FAM78B: variants seen among roughly 807,000 people sequenced by gnomAD.
FAM78B encodes the protein protein FAM78B.
FAM78B carries 10 observed loss-of-function variants against 20.0 expected under a neutral mutation model. The ratio of observed to expected loss-of-function variants is 0.50; its 90% CI spans 0.31 to 0.85. The LOEUF is 0.85. Among genes scored for constraint, FAM78B ranks in the 40% least tolerant of loss-of-function variants. FAM78B has a pLI of 0.05. For synonymous variants in FAM78B, 135 were observed against 132.8 expected, an observed-to-expected ratio of 1.02 and a Z score of -0.12; for missense variants, 283 against 345.0, an observed-to-expected ratio of 0.82 and a Z score of 1.42.
chr1:166,098,291 C>A lies in FAM78B; in HGVS notation c.264-27528G>T, dbSNP rs373053402. The stretch of plus-strand genomic sequence containing the variant: ...ACCCAAATGAGAAGGAATCAGAAAA[C>A]CAACTCTGGTAATATGATAAAAAAA... On this transcript the variant is annotated intron_variant, in intron 1 of 1. Transcript: ENST00000354422. Among the ~76,000 whole-genome samples, 12 of 152,252 alleles carry A rather than the reference C, an allele frequency of 7.9e-5. No individual in the cohort carries two copies. In the South Asian group the frequency reaches 2.3e-3, roughly 29 times the overall value.
At chr1:166,084,237 A>ACACACACTCTCTCTCTCTCTCT (rs771421402) in intron 1 of FAM78B, among the ~76,000 whole-genome samples, 4 of 125,416 alleles carry the variant, frequency 3.2e-5, no homozygotes, top group Admixed American at 8.3e-5. Context: ...ACACACACAC[A>ACACACACTCTCTCTCTCTCTCT]CTCTCTCTCT....
chr1:166,094,437 C>G (rs1390819958), intron 1 of FAM78B, among the ~76,000 whole-genome samples: 1 of 152,204 alleles, frequency 6.6e-6, no homozygotes, highest in Non-Finnish European at 1.5e-5. Flanking sequence ...ATGCTGACAC[C>G]TGCTCTTTGA....
chr1:166,069,037 A>AAAGTT (rs1298018257), downstream of FAM78B, among the ~76,000 whole-genome samples: 1 of 152,218 alleles, frequency 6.6e-6, no homozygotes, highest in African/African-American at 2.4e-5. Context: ...GAAGAGCTCT[A>AAAGTT]AAGTTAAGTT....
chr1:166,110,942 A>T (rs1424992687), intron 1 of FAM78B, among the ~76,000 whole-genome samples: 2 of 152,218 alleles, frequency 1.3e-5, no homozygotes, highest in Non-Finnish European at 2.9e-5. Context: ...GTATATAGAA[A>T]TGACAGAAAC....
intron 1 of FAM78B, among the ~76,000 whole-genome samples, chr1:166,072,825 G>A (rs147183334): frequency 1.2e-4 from 19 of 152,254 alleles, no homozygotes; most frequent in Admixed American, 4.6e-4. Context: ...GTATTGCCTG[G>A]GGAATTTGGT....
intron 1 of FAM78B, among the ~76,000 whole-genome samples, chr1:166,151,710 C>T (rs1454725084): frequency 6.6e-6 from 1 of 152,200 alleles, no homozygotes; most frequent in East Asian, 1.9e-4. Flanking sequence ...GCTTCAAGTG[C>T]CAGACCCACT....
chr1:166,136,047 A>G (rs1262142761), intron 1 of FAM78B, among the ~76,000 whole-genome samples: 1 of 152,148 alleles, frequency 6.6e-6, no homozygotes, highest in Non-Finnish European at 1.5e-5. Flanking sequence ...CTCAATGCTA[A>G]CTTTTTTCAA....
At chr1:166,094,088 A>AG (rs1653182729) in intron 1 of FAM78B, among the ~76,000 whole-genome samples, 1 of 149,490 alleles carries the variant, frequency 6.7e-6, no homozygotes, top group African/African-American at 2.5e-5. Context: ...GTGGTGCAGC[A>AG]GGGGAAGGAA....
chr1:166,075,383 T>TAAAC (rs965873018), intron 1 of FAM78B, among the ~76,000 whole-genome samples: 6 of 152,108 alleles, frequency 3.9e-5, no homozygotes, highest in African/African-American at 1.4e-4. Flanking sequence ...AAAGAATAAA[T>TAAAC]AAACAAAAAG....
intron 1 of FAM78B, among the ~76,000 whole-genome samples, chr1:166,099,229 A>G (rs915701079): frequency 6.6e-6 from 1 of 152,252 alleles, no homozygotes; most frequent in South Asian, 2.1e-4. Context: ...CCACCACTGT[A>G]AGAACTGCTA....
chr1:166,148,535 T>A (rs1479447103), intron 1 of FAM78B, among the ~76,000 whole-genome samples: 1 of 152,250 alleles, frequency 6.6e-6, no homozygotes, highest in Non-Finnish European at 1.5e-5. Context: ...AGATATCATT[T>A]GTGTAAACGC....
At chr1:166,060,888 A>G (rs2008) in intron 2 of FAM78B, among the ~76,000 whole-genome samples, 27,066 of 152,194 alleles carry the variant, frequency 0.18, 2,566 homozygotes, top group Admixed American at 0.26. Context: ...ATTAAAAACT[A>G]AAATAATATT....
intron 1 of FAM78B, among the ~76,000 whole-genome samples, chr1:166,154,990 C>T (rs1476174411): frequency 6.6e-6 from 1 of 152,176 alleles, no homozygotes; most frequent in African/African-American, 2.4e-5. Flanking sequence ...GTAACAGTCA[C>T]CTGTGAGGTA....
At chr1:166,134,077 G>C (rs1654981390) in intron 1 of FAM78B, among the ~76,000 whole-genome samples, 1 of 152,096 alleles carries the variant, frequency 6.6e-6, no homozygotes, top group African/African-American at 2.4e-5. Context: ...AGAAAGTTTG[G>C]GGGGTTTCCC....
chr1:166,140,010 A>T (rs1010270062), intron 1 of FAM78B, among the ~76,000 whole-genome samples: 1 of 152,208 alleles, frequency 6.6e-6, no homozygotes, highest in African/African-American at 2.4e-5. Flanking sequence ...GGGAGAGGGT[A>T]AAGGCAGGTT....
At chr1:166,084,220 C>T (rs980709800) in intron 1 of FAM78B, among the ~76,000 whole-genome samples, 186 of 132,646 alleles carry the variant, frequency 1.4e-3, no homozygotes, top group African/African-American at 5.1e-3. Context: ...CACACACACA[C>T]ACACACACAC....
chr1:166,073,039 AAAC>A (rs746453499), intron 1 of FAM78B, among the ~76,000 whole-genome samples: 11 of 152,318 alleles, frequency 7.2e-5, no homozygotes, highest in East Asian at 3.9e-4. Flanking sequence ...GTTTTTTGAA[AAAC>A]AACAACAACA....
intron 1 of FAM78B, among the ~76,000 whole-genome samples, chr1:166,096,224 A>G (rs904857327): frequency 5.9e-5 from 9 of 152,176 alleles, no homozygotes; most frequent in African/African-American, 2.2e-4. Context: ...TGGGGAGAAT[A>G]TAAGTTTGGA....
intron 1 of FAM78B, among the ~76,000 whole-genome samples, chr1:166,141,864 T>C (rs564819996): frequency 3.3e-5 from 5 of 152,282 alleles, no homozygotes; most frequent in South Asian, 4.1e-4. Flanking sequence ...TGCTCTGGGA[T>C]GGATGACCAT....
Sources: gnomAD v4.1 joint callset for allele counts (sites outside exome capture counted in the v4.1 genomes callset) on GRCh38, gnomAD v4.1.1 for gene constraint, MANE v1.5 for transcripts, NCBI Gene and HGNC (gene_info 2026-07-23, HGNC 2026-07-21) for gene names.